ZIC4: variants seen among roughly 807,000 people sequenced by gnomAD.
ZIC4 encodes zinc finger protein ZIC 4.
Under a neutral mutation model 28.8 loss-of-function variants are expected in ZIC4, and 15 were observed. The observed-to-expected ratio is 0.52, with a 90% CI of 0.35 to 0.80. ZIC4 has a LOEUF of 0.80. ZIC4 is among the 30% of genes least tolerant of loss of function. ZIC4 has a pLI of 0.01. For synonymous variants in ZIC4, 220 were observed against 198.1 expected (o/e 1.11, Z -0.93); for missense variants, 512 against 467.1 (o/e 1.10, Z -0.89).
intron 3 of ZIC4, chr3:147,393,975 C>T (rs1357923663): frequency 4.4e-6 from 2 of 456,430 alleles, no homozygotes; most frequent in Non-Finnish European, 8.8e-6. Flanking sequence ...GAGAAATTTG[C>T]TCCTGTTTGC....
rs1356491297 is a variant in ZIC4 at position 147,390,996 on chromosome 3, G to A, written c.939C>T (p.Cys313=). Residue 313 remains cysteine (C), a synonymous_variant, in exon 4 of 5, where the codon TGC becomes TGT. Coordinates refer to ENST00000383075, the MANE Select transcript of ZIC4 (RefSeq NM_032153.6). ...AGGAGGCCACCTGGGACTTGTGGCC[G>A]CAGTCCGACGAGGGCGACACGAGGG... ...PSALVSPSSD[C]GHKSQVASSA... The A allele has an allele frequency of 6.2e-7, 1 of 1,613,180 alleles. No homozygotes were observed. The highest frequency in any genetic ancestry group is 1.3e-5 in the African/African-American group (1 of 75,058).
At chr3:147,401,996 T>C (rs1224741985) in intron 2 of ZIC4, among the ~76,000 whole-genome samples, 1 of 152,152 alleles carries the variant, frequency 6.6e-6, no homozygotes, top group Admixed American at 6.5e-5. Context: ...ATTTCCTGGG[T>C]TGTCTATTTG....
intron 1 of ZIC4, among the ~76,000 whole-genome samples, chr3:147,403,189 C>T (rs1045339826): frequency 1.3e-5 from 2 of 152,024 alleles, no homozygotes; most frequent in African/African-American, 4.8e-5. Context: ...AGTTTATTAA[C>T]TGAAATTTAG....
chr3:147,391,451 T>G, intron 3 of ZIC4: 1 of 551,432 alleles, frequency 1.8e-6, no homozygotes, highest in Non-Finnish European at 3.1e-6. Context: ...CCTCCATCCC[T>G]CCCGCCTTCC....
chr3:147,400,853 C>T (rs1242395885), intron 2 of ZIC4, among the ~76,000 whole-genome samples: 1 of 149,886 alleles, frequency 6.7e-6, no homozygotes, highest in East Asian at 1.9e-4. Context: ...CTCCTCAGTG[C>T]TCTTCAGATT....
rs1200844668 is a variant in ZIC4, at chr3:147,396,241, C to T, written c.299G>A (p.Gly100Asp). 1 of 1,613,594 alleles carries T rather than the reference C, an allele frequency of 6.2e-7. No individual in the cohort carries two copies. The highest frequency in any genetic ancestry group is 2.2e-5 in the East Asian group (1 of 44,832). The change falls in exon 3 of 5, where the codon GGC becomes GAC. Residue 100 changes from glycine (G) to aspartate (D), a missense_variant. Around this residue, in one of 3 missense-constraint regions of ZIC4, gnomAD observed 310 missense variants for 256.5 expected, o/e 1.21. Coordinates refer to ENST00000383075, the MANE Select transcript of ZIC4 (RefSeq NM_032153.6). The surrounding 1 kb of genome is among the most constrained non-coding windows in gnomAD (Gnocchi z 4.2). The part of the protein sequence containing the change: ...AAAAALHGYG[G>D]MNLTVNLAAP... ...AGCGAGGTTCACCGTCAGGTTCATG[C>T]CCCCGTAGCCATGCAGGGCTGCGGC...
At chr3:147,404,283 T>C in intron 1 of ZIC4, 1 of 1,421,762 alleles carries the variant, frequency 7.0e-7, no homozygotes, top group Non-Finnish European at 9.1e-7. Context: ...GGATCACTTC[T>C]CTCCCAGGTC....
In ZIC4 at chr3:147,389,593, A is replaced by G. The variant is rs1004308076; in HGVS notation, c.*-734T>C. On this transcript the variant is annotated intron_variant, in intron 4 of 4. Coordinates refer to ENST00000383075, the MANE Select transcript of ZIC4 (RefSeq NM_032153.6). ...CTCCCTGCAGATGGGGGGAGGGGGG[A>G]AAAAGGACCTGATTTTTTTCCCTTT... Among the ~76,000 whole-genome samples the G allele has an allele frequency of 1.4e-4, 21 of 151,582 alleles. No individual in the cohort carries two copies. In the South Asian group the frequency reaches 1.5e-3, roughly 11 times the overall value.
At chr3:147,389,595 A>G (rs2086867381) in intron 4 of ZIC4, among the ~76,000 whole-genome samples, 1 of 152,016 alleles carries the variant, frequency 6.6e-6, no homozygotes, top group Non-Finnish European at 1.5e-5. Flanking sequence ...GAGGGGGGAA[A>G]AAGGACCTGA....
chr3:147,400,907 T>A (rs949607206), intron 2 of ZIC4, among the ~76,000 whole-genome samples: 4 of 152,192 alleles, frequency 2.6e-5, no homozygotes, highest in African/African-American at 9.7e-5. Context: ...CAACACCAAA[T>A]GCTTGACTGA....
chr3:147,397,129 G>A (rs981654562), intron 2 of ZIC4: 3 of 151,886 alleles, frequency 2.0e-5, no homozygotes, highest in African/African-American at 7.3e-5. Context: ...TTTGGATTTG[G>A]GCGCGCCCAC....
Position 147,396,564 on chromosome 3 carries a change from A to G in ZIC4, c.71-95T>C. ...GGGGCAGGCCCAGCCCTGCCGCACTACGGCCTCTGCAGTCAGCCGTGGAAC... is the reference window on the plus strand; with the variant it reads ...GGGGCAGGCCCAGCCCTGCCGCACTGCGGCCTCTGCAGTCAGCCGTGGAAC... On this transcript the variant is annotated intron_variant, in intron 2 of 4. Coordinates refer to ENST00000383075, the MANE Select transcript of ZIC4 (RefSeq NM_032153.6). This position sits in a 1 kb window ranked among gnomAD's most constrained non-coding sequence, Gnocchi z 4.2. 7.1e-7 allele frequency: 1 copy of G among 1,410,048 alleles called. No homozygotes were observed. The allele number at this position is 1,410,048 out of a possible 1,614,324, so 87.3% of individuals were successfully genotyped here. A position where few individuals can be genotyped will look rare whatever the true frequency, so the allele number is the denominator to read the frequency against.
Position 147,396,851 on chromosome 3 carries a change from C to A in ZIC4, c.71-382G>T. On this transcript the variant is annotated intron_variant, in intron 2 of 4. Coordinates refer to ENST00000383075, the MANE Select transcript of ZIC4 (RefSeq NM_032153.6). This position sits in a 1 kb window ranked among gnomAD's most constrained non-coding sequence, Gnocchi z 4.2. ...TAACACCCCGGGGCTCTCCGGGGCA[C>A]GATGCCCTGCGGGGAGTGGAGGTGA... is the stretch of plus-strand genomic sequence containing the variant. 5.4e-6 allele frequency: 1 copy of A among 183,930 alleles called. No individual in the cohort carries two copies. The highest frequency in any genetic ancestry group is 1.1e-5 in the Non-Finnish European group (1 of 89,220). The allele number at this position is 183,930 out of a possible 1,614,324, so 11.4% of individuals were successfully genotyped here. A position where few individuals can be genotyped will look rare whatever the true frequency, so the allele number is the denominator to read the frequency against.
Position 147,388,734 on chromosome 3 carries a change from A to G in ZIC4, c.*125T>C. 4 of 701,022 alleles carry G rather than the reference A, an allele frequency of 5.7e-6. No homozygotes were observed. The highest frequency in any genetic ancestry group is 7.8e-6 in the Non-Finnish European group (3 of 382,776). 43.4% of individuals were successfully genotyped at this position (701,022 alleles called of 1,614,324 possible). A position where few individuals can be genotyped will look rare whatever the true frequency, so the allele number is the denominator to read the frequency against. ...CACATTGCCATAGAAATCCTAACTT[A>G]CCATGAAGATGCACCGTGGCGAAGA... On this transcript the variant is annotated 3_prime_UTR_variant, in exon 5 of 5. Coordinates refer to ENST00000383075, the MANE Select transcript of ZIC4 (RefSeq NM_032153.6).
intron 3 of ZIC4, among the ~76,000 whole-genome samples, chr3:147,394,781 C>A (rs1446776754): frequency 1.3e-5 from 2 of 152,214 alleles, no homozygotes; most frequent in South Asian, 2.1e-4. Flanking sequence ...GGGCCATGGA[C>A]CTTCCCCGGG....
chr3:147,393,882 C>T (rs1396790382), intron 3 of ZIC4: 5 of 456,510 alleles, frequency 1.1e-5, no homozygotes, highest in African/African-American at 2.0e-5. Flanking sequence ...TCGCTGTGAC[C>T]GCCACAAAGT....
rs1344120990 is a variant in ZIC4, at chr3:147,387,556, A to G, written c.*1303T>C. 6.6e-6 allele frequency: 1 copy of G among 152,236 alleles called. No homozygotes were observed. The highest frequency in any genetic ancestry group is 1.5e-5 in the Non-Finnish European group (1 of 67,938). The allele number at this position is 152,236 out of a possible 1,614,324, so 9.4% of individuals were successfully genotyped here. A position where few individuals can be genotyped will look rare whatever the true frequency, so the allele number is the denominator to read the frequency against. ...TTTGATTTTTTTTTTCACTGTGTTT[A>G]TTTTTCCCCTATTCACTGGGGTACT... On this transcript the variant is annotated 3_prime_UTR_variant, in exon 5 of 5. Transcript: ENST00000383075.
At position 147,396,140 on chromosome 3, in the gene ZIC4, C is replaced by T. The variant is rs755800906; in HGVS notation, c.400G>A (p.Ala134Thr). The T allele has an allele frequency of 1.9e-6, 3 of 1,614,070 alleles. No homozygotes were observed. The Admixed American group carries it at 5.0e-5, about 27-fold the overall frequency. ...CTCGGGGTCGCGGTGCCGTCGGCCG[C>T]CAGCCACTTGCAGATGAGCTCCTGT... ...IKQELICKWL[A>T]ADGTATPSLC... Residue 134 changes from alanine to threonine, a missense_variant, in exon 3 of 5, where the codon GCG becomes ACG. Around this residue, in one of 3 missense-constraint regions of ZIC4, gnomAD observed 310 missense variants for 256.5 expected, o/e 1.21. Coordinates refer to ENST00000383075, the MANE Select transcript of ZIC4 (RefSeq NM_032153.6). This position sits in a 1 kb window ranked among gnomAD's most constrained non-coding sequence, Gnocchi z 4.2.
intron 1 of ZIC4, chr3:147,403,998 T>C: frequency 6.5e-7 from 1 of 1,537,104 alleles, no homozygotes; most frequent in Non-Finnish European, 8.7e-7. Flanking sequence ...TTCAATTCTT[T>C]CTAACCAAAA....
Sources: allele counts gnomAD v4.1 joint callset (sites outside exome capture counted in the v4.1 genomes callset), GRCh38; gene constraint gnomAD v4.1.1; regional missense constraint gnomAD v4.1.1; non-coding constraint Gnocchi (gnomAD v3.1); transcripts MANE v1.5; gene names NCBI Gene and HGNC (gene_info 2026-07-23, HGNC 2026-07-21).